EML1: variants seen among roughly 807,000 people sequenced by gnomAD.
EML1 encodes the protein EMAP like 1, also known as echinoderm microtubule-associated protein-like 1.
A neutral mutation model predicts 110.4 loss-of-function variants in EML1; 27 were observed. The observed-to-expected ratio is 0.24, with a 90% confidence interval of 0.18 to 0.34. EML1 has a LOEUF of 0.34. Among genes scored for constraint, EML1 ranks in the 10% least tolerant of loss-of-function variants. The probability of loss-of-function intolerance (pLI) is 1.00; values close to 1 mark genes in which losing one functional copy is unlikely to be tolerated. For missense variants in EML1, 741 were observed against 1,030.9 expected (o/e 0.72, Z 3.85); for synonymous variants, 344 against 385.8 (o/e 0.89, Z 1.27).
At chr14:99,848,284 A>C (rs572556356) in intron 1 of EML1, among the ~76,000 whole-genome samples, 1 of 152,262 alleles carries the variant, frequency 6.6e-6, no homozygotes, top group Non-Finnish European at 1.5e-5. Flanking sequence ...CTTACATGAG[A>C]TCTATTGTAC....
At chr14:99,906,730 C>T (rs2059853603) in intron 9 of EML1, 1 of 152,310 alleles carries the variant, frequency 6.6e-6, no homozygotes, top group African/African-American at 2.4e-5. Flanking sequence ...TGCTCTGATT[C>T]AAATGCCTCT....
At chr14:99,791,021 C>G (rs1009902807), upstream of EML1, among the ~76,000 whole-genome samples, 3 of 152,070 alleles carry the variant, frequency 2.0e-5, no homozygotes, top group Non-Finnish European at 2.9e-5. Context: ...CCATGTCTGG[C>G]TAATTTTTTG....
intron 4 of EML1, among the ~76,000 whole-genome samples, chr14:99,880,454 A>T (rs554233204): frequency 6.6e-6 from 1 of 152,262 alleles, no homozygotes; most frequent in African/African-American, 2.4e-5. Context: ...TGACCCCAGC[A>T]CCAAAGCAGA....
chr14:99,804,894 A>G (rs1167997139), intron 1 of EML1, among the ~76,000 whole-genome samples: 1 of 152,200 alleles, frequency 6.6e-6, no homozygotes, highest in East Asian at 1.9e-4. Context: ...GATTCTGGGA[A>G]CCACTTGCCA....
chr14:99,878,529 G>T lies in EML1; in HGVS notation c.428G>T (p.Gly143Val). The T allele has an allele frequency of 6.2e-7, 1 of 1,614,110 alleles. No individual in the cohort carries two copies. Among genetic ancestry groups the T allele is most frequent in the Non-Finnish European group, 8.5e-7 (1 of 1,180,004 alleles). Reference protein sequence around the residue: ...TSSSERVSPGGRRESNGDSRG... With the variant: ...TSSSERVSPGVRRESNGDSRG... ...TCTTCTGAACGAGTGTCTCCTGGGG[G>T]TCGAAGGGAAAGCAATGGGGATTCC... The change falls in exon 4 of 22, where the codon GGT (glycine) becomes GTT (valine). Residue 143 changes from glycine to valine, a missense_variant. Coordinates refer to ENST00000262233, the MANE Select transcript of EML1 (RefSeq NM_004434.3).
chr14:99,767,165 T>G (rs2057375987), intron 1 of EML1, among the ~76,000 whole-genome samples: 1 of 152,236 alleles, frequency 6.6e-6, no homozygotes, highest in African/African-American at 2.4e-5. Context: ...AAATTTCTAT[T>G]TTAAGGAGAA....
At chr14:99,761,238 T>C (rs1228317376) in intron 1 of EML1, among the ~76,000 whole-genome samples, 1 of 152,144 alleles carries the variant, frequency 6.6e-6, no homozygotes, top group Non-Finnish European at 1.5e-5. Context: ...CTGGAGACTG[T>C]AATCATCACC....
upstream of EML1, among the ~76,000 whole-genome samples, chr14:99,770,845 C>T (rs999636863): frequency 5.5e-5 from 7 of 128,174 alleles, no homozygotes; most frequent in Admixed American, 1.0e-4. Context: ...AGTGCAGTGG[C>T]GCGATCTCGG....
In EML1 at chr14:99,881,672, G is replaced by A. The variant is rs2059386727; in HGVS notation, c.518+3053G>A. ...CTGGAGTGCAGTGGCACAATCTCGG[G>A]TCACTGCAGCCTCTGCCTCTTGGGT... is the stretch of plus-strand genomic sequence containing the variant. On this transcript the variant is annotated intron_variant, in intron 4 of 21. Transcript: ENST00000262233. Among the ~76,000 whole-genome samples the A allele has an allele frequency of 2.6e-5, 4 of 151,532 alleles. No homozygotes were observed. The South Asian group carries it at 6.3e-4, about 24-fold the overall frequency.
At chr14:99,795,460 AT>A (rs919264119) in intron 1 of EML1, among the ~76,000 whole-genome samples, 39 of 150,084 alleles carry the variant, frequency 2.6e-4, no homozygotes, top group South Asian at 6.3e-4. Flanking sequence ...TGTATTTGTT[AT>A]TTTTTTTTTA....
At chr14:99,863,758 G>A (rs146845138) in intron 2 of EML1, among the ~76,000 whole-genome samples, 1 of 152,300 alleles carries the variant, frequency 6.6e-6, no homozygotes, top group African/African-American at 2.4e-5. Flanking sequence ...GTCGCTTCCC[G>A]TTTTTGACGA....
In EML1 at chr14:99,914,650, C is replaced by T; in HGVS notation, c.1705C>T (p.Leu569Phe). Residue 569 changes from leucine (L) to phenylalanine (F), a missense_variant, in exon 15 of 22, where the codon CTC becomes TTC. Leu to Phe is a conservative substitution (Grantham distance 22). Coordinates refer to ENST00000262233, the MANE Select transcript of EML1 (RefSeq NM_004434.3). ...CTGTGGGCATGACAAGCATGCCACT[C>T]TCTGGGACGCTGTGGGTCACCGTCC... ...LTCGHDKHAT[L>F]WDAVGHRPVW... 6.2e-7 allele frequency: 1 copy of T among 1,611,946 alleles called. No individual in the cohort carries two copies. The highest frequency in any genetic ancestry group is 8.5e-7 in the Non-Finnish European group (1 of 1,179,652).
intron 1 of EML1, among the ~76,000 whole-genome samples, chr14:99,749,804 G>C (rs2057154807): frequency 6.6e-6 from 1 of 152,236 alleles, no homozygotes; most frequent in Non-Finnish European, 1.5e-5. Context: ...TGTCTACACA[G>C]CCCCAGTGAA....
rs1341599618 is a variant in EML1, at chr14:99,937,813, G to A, written c.2096-4G>A. 3 of 1,613,708 alleles carry A rather than the reference G, an allele frequency of 1.9e-6. No individual in the cohort carries two copies. Among genetic ancestry groups the A allele is most frequent in the Non-Finnish European group, 2.5e-6 (3 of 1,179,736 alleles). On this transcript the variant is annotated splice_region_variant and splice_polypyrimidine_tract_variant and intron_variant, in intron 19 of 21. Coordinates refer to ENST00000262233, the MANE Select transcript of EML1 (RefSeq NM_004434.3). The stretch of plus-strand genomic sequence containing the variant: ...GATGTTGCCAGACTGTTTGCTTTTT[G>A]CAGGGGTTCCCTCTGCCTGTAAGCA...
intron 1 of EML1, among the ~76,000 whole-genome samples, chr14:99,751,044 C>A (rs1252615755): frequency 6.6e-6 from 1 of 152,106 alleles, no homozygotes; most frequent in Non-Finnish European, 1.5e-5. Context: ...GTAATAGCCT[C>A]TTTTCTTAAA....
At chr14:99,935,981 A>C (rs1406544688) in intron 17 of EML1, 48 bp from the exon 18 acceptor site, 1 of 1,562,840 alleles carries the variant, frequency 6.4e-7, no homozygotes, top group Non-Finnish European at 8.8e-7. Context: ...GTAACGAACA[A>C]AATGTGTATT....
rs762230243 is a variant in EML1 at position 99,874,976 on chromosome 14, A to G, written c.384-3509A>G. 6 of 1,613,722 alleles carry G rather than the reference A, an allele frequency of 3.7e-6. No homozygotes were observed. The Admixed American group carries it at 1.0e-4, about 27-fold the overall frequency. On this transcript the variant is annotated intron_variant, in intron 3 of 21. Coordinates refer to ENST00000262233, the MANE Select transcript of EML1 (RefSeq NM_004434.3). ...TTCTCAATGCTTGCAAACTGAATAG[A>G]TCGACACCAAGGTGAGGGGAACTTA... is the stretch of plus-strand genomic sequence containing the variant.
intron 8 of EML1, 145 bp downstream of exon 8, chr14:99,898,447 G>A: frequency 2.6e-6 from 2 of 774,426 alleles, no homozygotes; most frequent in Non-Finnish European, 3.9e-6. Flanking sequence ...ATTTTTTATT[G>A]TAAATTAGAA....
At chr14:99,850,446 G>A (rs2058777090) in intron 1 of EML1, 2 of 847,242 alleles carry the variant, frequency 2.4e-6, no homozygotes, top group African/African-American at 1.7e-5. Context: ...TGACCTACCT[G>A]TCAGTTAACA....
Sources: gnomAD v4.1 joint callset for allele counts (sites outside exome capture counted in the v4.1 genomes callset) on GRCh38, gnomAD v4.1.1 for gene constraint, MANE v1.5 for transcripts, NCBI Gene and HGNC (gene_info 2026-07-23, HGNC 2026-07-21) for gene names.